The following ABCC5 variants were observed in gnomAD, a reference collection of about 807,000 sequenced individuals.
The protein encoded by ABCC5 is ATP binding cassette subfamily C member 5.
ABCC5 carries 61 observed loss-of-function variants against 160.9 expected under a neutral mutation model. That is an observed-to-expected ratio of 0.38 (90% CI 0.31 to 0.47). The LOEUF is 0.47. Ranked by LOEUF, ABCC5 falls within the 20% of genes least tolerant of loss-of-function variation. The probability of loss-of-function intolerance (pLI) is 0.99; values close to 1 mark genes in which losing one functional copy is unlikely to be tolerated. For synonymous variants in ABCC5, 666 were observed against 700.6 expected (o/e 0.95, Z 0.78); for missense variants, 1,308 against 1,813.3 (o/e 0.72, Z 5.06).
chr3:183,943,478 C>A (rs1007145107), intron 24 of ABCC5, among the ~76,000 whole-genome samples: 1 of 152,174 alleles, frequency 6.6e-6, no homozygotes, highest in Non-Finnish European at 1.5e-5. Context: ...TTCTTATCTG[C>A]AAATTGTGGG....
chr3:183,938,315 T>G (rs1713947014), intron 25 of ABCC5, among the ~76,000 whole-genome samples: 1 of 152,264 alleles, frequency 6.6e-6, no homozygotes, highest in South Asian at 2.1e-4. Context: ...ATTTTTTTTT[T>G]TGAGACGGAG....
intron 24 of ABCC5, among the ~76,000 whole-genome samples, chr3:183,943,746 T>C (rs1714580858): frequency 6.6e-6 from 1 of 152,088 alleles, no homozygotes; most frequent in African/African-American, 2.4e-5. Flanking sequence ...GCCTCTGAAA[T>C]GTGACCGGTT....
intron 14 of ABCC5, among the ~76,000 whole-genome samples, chr3:183,964,957 G>A (rs1385588943): frequency 1.3e-5 from 2 of 152,172 alleles, no homozygotes; most frequent in African/African-American, 4.8e-5. Context: ...GTCAACAATG[G>A]GATTTTGTTT....
chr3:183,952,939 G>A, intron 18 of ABCC5, 147 bp downstream of exon 18: 1 of 944,858 alleles, frequency 1.1e-6, no homozygotes, highest in Non-Finnish European at 1.5e-6. Flanking sequence ...GGCTACATTA[G>A]GGACTCATCT....
At chr3:183,980,808 GT>G (rs1323743088) in intron 8 of ABCC5, among the ~76,000 whole-genome samples, 1 of 151,822 alleles carries the variant, frequency 6.6e-6, no homozygotes, top group East Asian at 1.9e-4. Flanking sequence ...CGCCTCTTGG[GT>G]TCAAGCGATT....
At chr3:183,928,280 T>A (rs1164741846) in intron 27 of ABCC5, among the ~76,000 whole-genome samples, 1 of 151,892 alleles carries the variant, frequency 6.6e-6, no homozygotes, top group Non-Finnish European at 1.5e-5. Flanking sequence ...CCCGGCTAAT[T>A]TTTGTATTTT....
chr3:184,001,304 C>A, intron 2 of ABCC5: 2 of 463,772 alleles, frequency 4.3e-6, no homozygotes, highest in South Asian at 4.7e-5. Context: ...TTTCATTTAA[C>A]CCAATGCAAA....
intron 25 of ABCC5, among the ~76,000 whole-genome samples, chr3:183,938,307 T>C (rs915604516): frequency 4.0e-5 from 6 of 150,862 alleles, no homozygotes; most frequent in African/African-American, 1.2e-4. Context: ...CCATTTTCAT[T>C]TTTTTTTTTG....
rs1717126450 is a variant in ABCC5, at chr3:183,965,412, G to T, written c.1923C>A (p.Asp641Glu). Residue 641 changes from aspartate to glutamate, a missense_variant, in exon 13 of 30, where the codon GAC becomes GAA. Around this residue, in one of 3 missense-constraint regions of ABCC5, gnomAD observed 1,142 missense variants for 1,527.1 expected, o/e 0.75. Coordinates refer to ENST00000334444, the MANE Select transcript of ABCC5 (RefSeq NM_005688.4). ...CATATTCCTTCCCAAACAGGATGTTGTCTCTCAGAGTAGCATTGAGGATCC... is the reference window on the plus strand; with the variant it reads ...CATATTCCTTCCCAAACAGGATGTTTTCTCTCAGAGTAGCATTGAGGATCC... ...QAWILNATLR[D>E]NILFGKEYDE... 1.2e-6 allele frequency: 2 copies of T among 1,613,894 alleles called. No homozygotes were observed. The highest frequency in any genetic ancestry group is 1.7e-6 in the Non-Finnish European group (2 of 1,180,048).
At chr3:184,004,097 A>T (rs1479548007) in intron 2 of ABCC5, among the ~76,000 whole-genome samples, 1 of 152,146 alleles carries the variant, frequency 6.6e-6, no homozygotes, top group African/African-American at 2.4e-5. Flanking sequence ...TTTGTTGAAC[A>T]TTCTTCAAGT....
At chr3:183,953,985 T>C (rs1412448478) in intron 17 of ABCC5, among the ~76,000 whole-genome samples, 3 of 152,200 alleles carry the variant, frequency 2.0e-5, no homozygotes, top group Non-Finnish European at 2.9e-5. Flanking sequence ...CTGGGATGGC[T>C]GATATTGCCA....
At position 183,957,774 on chromosome 3, in the gene ABCC5, A is replaced by ATG. The variant is rs1373054822; in HGVS notation, c.2482+1958_2482+1959insCA. 9.7e-3 allele frequency among the ~76,000 whole-genome samples: 1,420 copies of ATG among 145,822 alleles called. 1 individual carries two copies. Among genetic ancestry groups the ATG allele is most frequent in the African/African-American group, 0.013 (527 of 39,536 alleles). On this transcript the variant is annotated intron_variant, in intron 17 of 29. Transcript: ENST00000334444. ...TCCGTGTGTATATCACATCGGTTAC[A>ATG]CGTAAATCCGTGTGTATATCACATC...
chr3:183,947,601 C>T (rs1560484840), intron 22 of ABCC5, 91 bp from the exon 23 acceptor site: 14 of 1,044,838 alleles, frequency 1.3e-5, no homozygotes, highest in South Asian at 2.0e-5. Flanking sequence ...ATGGAGGGCA[C>T]GTATTTAAAT....
chr3:184,001,174 GC>G, intron 2 of ABCC5: 1 of 463,160 alleles, frequency 2.2e-6, no homozygotes, highest in Non-Finnish European at 3.9e-6. Context: ...GATCACAGGA[GC>G]CCAGGTGTTT....
chr3:183,946,631 TG>T (rs1460958908), intron 23 of ABCC5, among the ~76,000 whole-genome samples: 2 of 152,182 alleles, frequency 1.3e-5, no homozygotes, highest in Admixed American at 1.3e-4. Context: ...CAGTCAATAT[TG>T]TTTCATCTGT....
At chr3:184,001,212 C>T (rs1388325166) in intron 2 of ABCC5, 4 of 528,880 alleles carry the variant, frequency 7.6e-6, no homozygotes, top group Non-Finnish European at 1.4e-5. Context: ...ATGGTCATGC[C>T]ACCGCACTAC....
In ABCC5 at chr3:183,963,731, C is replaced by T. The variant is rs1716983829; in HGVS notation, c.2032-143G>A. On this transcript the variant is annotated intron_variant, in intron 14 of 29. Transcript: ENST00000334444. This position sits in a 1 kb window ranked among gnomAD's most constrained non-coding sequence, Gnocchi z 4.6. ...CAGATGAACTGCCATGCTGATTCCC[C>T]GCAGATGAACTGCCATGCTGATCCT... is the stretch of plus-strand genomic sequence containing the variant. 6 of 767,846 alleles carry T rather than the reference C, an allele frequency of 7.8e-6. 1 individual carries two copies. In the East Asian group the frequency reaches 8.0e-5, roughly 10 times the overall value. The allele number at this position is 767,846 out of a possible 1,614,324, so 47.6% of individuals were successfully genotyped here.
At chr3:183,961,688 G>A in intron 15 of ABCC5, 34 bp from the exon 16 acceptor site, 1 of 1,612,384 alleles carries the variant, frequency 6.2e-7, no homozygotes, top group Non-Finnish European at 8.5e-7. Context: ...ACAATATGCT[G>A]TTTGTGCAAA....
At chr3:183,985,172 C>T in intron 5 of ABCC5, 1 of 889,656 alleles carries the variant, frequency 1.1e-6, no homozygotes, top group Non-Finnish European at 1.7e-6. Context: ...CATGAAAAAT[C>T]CAACCAAAAT....
Sources: gnomAD v4.1 joint callset for allele counts (sites outside exome capture counted in the v4.1 genomes callset) on GRCh38, gnomAD v4.1.1 for gene constraint, gnomAD v4.1.1 regional missense constraint, Gnocchi (gnomAD v3.1) non-coding constraint, MANE v1.5 for transcripts, NCBI Gene and HGNC (gene_info 2026-07-23, HGNC 2026-07-21) for gene names.